The following EPHB1 variants were observed in gnomAD, a reference collection of about 807,000 sequenced individuals.
The protein encoded by EPHB1 is EPH receptor B1.
A neutral mutation model predicts 94.4 loss-of-function variants in EPHB1; 30 were observed. The ratio of observed to expected loss-of-function variants is 0.32; its 90% CI spans 0.24 to 0.43. The LOEUF (loss-of-function observed/expected upper bound fraction) is 0.43. Among genes scored for constraint, EPHB1 ranks in the 20% least tolerant of loss-of-function variants. EPHB1 has a pLI of 1.00. For synonymous variants in EPHB1, 522 were observed against 489.1 expected (o/e 1.07, Z -0.89); for missense variants, 1,055 against 1,308.3 (o/e 0.81, Z 2.99).
intron 1 of EPHB1, among the ~76,000 whole-genome samples, chr3:134,855,356 G>T (rs947770799): frequency 6.6e-6 from 1 of 152,188 alleles, no homozygotes; most frequent in Non-Finnish European, 1.5e-5. Flanking sequence ...TGATGGAACT[G>T]CCCTGCATGG....
At position 135,077,688 on chromosome 3, in the gene EPHB1, T is replaced by G. The variant is rs116097399; in HGVS notation, c.806-28760T>G. The stretch of plus-strand genomic sequence containing the variant: ...GGAAACATAAAGACCCTGAGATGCA[T>G]ACATGGCACATCCTGGTGCTACAGG... On this transcript the variant is annotated intron_variant, in intron 3 of 15. Coordinates refer to ENST00000398015, the MANE Select transcript of EPHB1 (RefSeq NM_004441.5). 6.2e-3 allele frequency among the ~76,000 whole-genome samples: 949 copies of G among 152,230 alleles called. 13 individuals are homozygous for G. Among genetic ancestry groups the G allele is most frequent in the African/African-American group, 0.022 (911 of 41,528 alleles).
At chr3:134,999,221 GA>G (rs953703703) in intron 3 of EPHB1, among the ~76,000 whole-genome samples, 2 of 151,942 alleles carry the variant, frequency 1.3e-5, no homozygotes, top group Admixed American at 6.6e-5. Flanking sequence ...AAAAGGGAAA[GA>G]AAAAAAGAGA....
intron 9 of EPHB1, among the ~76,000 whole-genome samples, chr3:135,176,423 G>A (rs551912559): frequency 5.3e-5 from 8 of 152,234 alleles, no homozygotes; most frequent in Non-Finnish European, 7.4e-5. Flanking sequence ...CTAAATTGAC[G>A]TTGCATCACT....
chr3:134,954,804 C>T (rs1017001062), intron 3 of EPHB1, among the ~76,000 whole-genome samples: 1 of 152,182 alleles, frequency 6.6e-6, no homozygotes, highest in Non-Finnish European at 1.5e-5. Context: ...CACTTTGCTT[C>T]TGTGAAACCG....
intron 10 of EPHB1, among the ~76,000 whole-genome samples, chr3:135,189,327 A>G (rs918402802): frequency 2.0e-5 from 3 of 152,168 alleles, no homozygotes; most frequent in Non-Finnish European, 2.9e-5. Flanking sequence ...TCACTAATTC[A>G]TTTGAAAAGA....
intron 5 of EPHB1, among the ~76,000 whole-genome samples, chr3:135,141,050 C>T (rs1365396056): frequency 2.0e-5 from 3 of 151,984 alleles, no homozygotes; most frequent in Admixed American, 1.3e-4. Context: ...CCTCAGGCCT[C>T]GGGATCAGTT....
At chr3:135,243,074 C>CAAAAAAAAAAAAAAAA (rs397933477) in intron 13 of EPHB1, among the ~76,000 whole-genome samples, 5 of 98,346 alleles carry the variant, frequency 5.1e-5, no homozygotes, top group Non-Finnish European at 7.9e-5. Context: ...GACCCTGTCT[C>CAAAAAAAAAAAAAAAA]AAAAAAAAAA....
intron 1 of EPHB1, among the ~76,000 whole-genome samples, chr3:134,827,881 C>T (rs2108292375): frequency 2.0e-5 from 3 of 152,292 alleles, no homozygotes; most frequent in Admixed American, 2.0e-4. Flanking sequence ...CCTTGCATTG[C>T]CTGCCTCTCT....
intron 10 of EPHB1, among the ~76,000 whole-genome samples, chr3:135,180,826 A>G (rs749330088): frequency 3.3e-5 from 5 of 152,274 alleles, no homozygotes; most frequent in Middle Eastern, 3.4e-3. Context: ...GATGTGTTAA[A>G]TTTGTTTTAT....
At chr3:135,053,745 G>A (rs566364405) in intron 3 of EPHB1, among the ~76,000 whole-genome samples, 26 of 152,254 alleles carry the variant, frequency 1.7e-4, no homozygotes, top group African/African-American at 5.8e-4. Flanking sequence ...CCTGCACTTT[G>A]GGGGGCTGAG....
intron 3 of EPHB1, among the ~76,000 whole-genome samples, chr3:135,024,318 T>G (rs1936073528): frequency 6.6e-6 from 1 of 152,246 alleles, no homozygotes. Context: ...TTGTTTATTT[T>G]CATGTCACAA....
intron 3 of EPHB1, among the ~76,000 whole-genome samples, chr3:134,954,967 G>A (rs939013820): frequency 6.6e-6 from 1 of 151,644 alleles, no homozygotes; most frequent in Non-Finnish European, 1.5e-5. Context: ...TGAGAGGGGA[G>A]TAGAGGAAGC....
At position 134,992,609 on chromosome 3, in the gene EPHB1, C is replaced by T. The variant is rs192859485; in HGVS notation, c.805+40557C>T. On this transcript the variant is annotated intron_variant, in intron 3 of 15. Coordinates refer to ENST00000398015, the MANE Select transcript of EPHB1 (RefSeq NM_004441.5). ...GGAAGGGTCTTTCCTAGTGCTTTGGCTTCCAAGGTAAATGGCCTCAAAATC... is the reference window on the plus strand; with the variant it reads ...GGAAGGGTCTTTCCTAGTGCTTTGGTTTCCAAGGTAAATGGCCTCAAAATC... Among the ~76,000 whole-genome samples, 8 of 152,312 alleles carry T rather than the reference C, an allele frequency of 5.3e-5. No homozygotes were observed. The East Asian group carries it at 1.3e-3, about 26-fold the overall frequency.
intron 1 of EPHB1, among the ~76,000 whole-genome samples, chr3:134,849,215 T>G (rs2036931827): frequency 6.6e-6 from 1 of 152,232 alleles, no homozygotes; most frequent in Non-Finnish European, 1.5e-5. Context: ...AACAGATTGT[T>G]GCTCTCCACC....
chr3:135,055,507 C>T (rs568886945), intron 3 of EPHB1, among the ~76,000 whole-genome samples: 1 of 152,312 alleles, frequency 6.6e-6, no homozygotes, highest in East Asian at 1.9e-4. Flanking sequence ...TGGCCCTTGT[C>T]CACAATGGCC....
At chr3:134,845,829 A>G (rs772556573) in intron 1 of EPHB1, among the ~76,000 whole-genome samples, 2 of 152,304 alleles carry the variant, frequency 1.3e-5, no homozygotes, top group Admixed American at 6.5e-5. Flanking sequence ...GTTGAGGAGC[A>G]TCTAACAAGC....
chr3:134,919,509 C>CTGTACAG (rs771437194), intron 1 of EPHB1, among the ~76,000 whole-genome samples: 49 of 152,312 alleles, frequency 3.2e-4, no homozygotes, highest in Middle Eastern at 3.4e-3. Flanking sequence ...GGAGACCAGC[C>CTGTACAG]TGTACAGGCA....
At chr3:135,173,070 T>C (rs1373446686) in intron 9 of EPHB1, among the ~76,000 whole-genome samples, 1 of 150,492 alleles carries the variant, frequency 6.6e-6, no homozygotes, top group East Asian at 2.0e-4. Flanking sequence ...AGTCTCGCTC[T>C]GTCGCCCAGG....
intron 3 of EPHB1, among the ~76,000 whole-genome samples, chr3:134,993,790 G>T (rs1053036388): frequency 6.6e-6 from 1 of 152,328 alleles, no homozygotes; most frequent in Middle Eastern, 3.4e-3. Flanking sequence ...GACTTCGTGA[G>T]ATCTTAGGTT....
Sources: gnomAD v4.1 joint callset for allele counts (sites outside exome capture counted in the v4.1 genomes callset) on GRCh38, gnomAD v4.1.1 for gene constraint, MANE v1.5 for transcripts, NCBI Gene and HGNC (gene_info 2026-07-23, HGNC 2026-07-21) for gene names.